RFC3: variants seen among roughly 807,000 people sequenced by gnomAD.
RFC3 encodes the protein A1 38 kDa subunit.
In RFC3, 41 loss-of-function variants were observed where a neutral mutation model predicts 45.1. The observed-to-expected ratio is 0.91, with a 90% CI of 0.71 to 1.18. The LOEUF (loss-of-function observed/expected upper bound fraction) is 1.18, where lower values mean the gene tolerates loss of function less well. Ranked by LOEUF, RFC3 falls within the 50% of genes most tolerant of loss-of-function variation. The pLI, the probability that RFC3 is intolerant of heterozygous loss-of-function variation, is 0.00. For synonymous variants in RFC3, 149 were observed against 144.0 expected (o/e 1.03, Z -0.25); for missense variants, 423 against 428.1 (o/e 0.99, Z 0.10).
chr13:33,831,743 A>G (rs1723422697), intron 7 of RFC3, among the ~76,000 whole-genome samples: 1 of 152,218 alleles, frequency 6.6e-6, no homozygotes. Context: ...CTAGAAAGAC[A>G]CCAGACTATA....
chr13:33,953,233 G>C (rs1283168327), intron 8 of RFC3, among the ~76,000 whole-genome samples: 1 of 149,568 alleles, frequency 6.7e-6, no homozygotes, highest in Non-Finnish European at 1.5e-5. Context: ...TGAATATTCT[G>C]TTGCTCTGAA....
chr13:33,948,419 A>G (rs1415464683), intron 8 of RFC3, among the ~76,000 whole-genome samples: 4 of 152,222 alleles, frequency 2.6e-5, no homozygotes, highest in African/African-American at 9.6e-5. Flanking sequence ...TCATGGGTGG[A>G]AACTTCATGG....
intron 8 of RFC3, among the ~76,000 whole-genome samples, chr13:33,963,124 T>C (rs1180353146): frequency 6.6e-6 from 1 of 151,986 alleles, no homozygotes; most frequent in African/African-American, 2.4e-5. Flanking sequence ...CATGTTTCTT[T>C]ATTTTTAAGT....
chr13:33,836,983 T>C lies in RFC3; in HGVS notation c.*688T>C, dbSNP rs1323941126. The C allele has an allele frequency of 9.1e-6, 9 of 984,780 alleles. No homozygotes were observed. The highest frequency in any genetic ancestry group is 1.1e-5 in the Non-Finnish European group (9 of 829,480). 61.0% of individuals were successfully genotyped at this position (984,780 alleles called of 1,614,324 possible). ...TAGTAATTACTCTTTGAACAGGTTT[T>C]GTGTTTTGTCATTAGCTCTGCCCTT... is the stretch of plus-strand genomic sequence containing the variant. On this transcript the variant is annotated 3_prime_UTR_variant, in exon 9 of 9. Transcript: ENST00000380071.
chr13:33,841,962 T>C (rs2082202079), downstream of RFC3, among the ~76,000 whole-genome samples: 2 of 152,144 alleles, frequency 1.3e-5, no homozygotes, highest in South Asian at 4.1e-4. Flanking sequence ...TCCATGGTTT[T>C]AGTTACCCAT....
Position 33,905,099 on chromosome 13 carries a change from C to T in RFC3, c.880-60988C>T, listed in dbSNP as rs142746332. ...TATCTTAAGCAAGGTACTGGGTATACGAGTGCATGTTATTTGTTATTATGT... is the reference window on the plus strand; with the variant it reads ...TATCTTAAGCAAGGTACTGGGTATATGAGTGCATGTTATTTGTTATTATGT... On this transcript the variant is annotated intron_variant, in intron 8 of 8. Transcript: ENST00000434425. 7.2e-3 allele frequency among the ~76,000 whole-genome samples: 1,092 copies of T among 152,004 alleles called. 11 individuals carry two copies. Among genetic ancestry groups the T allele is most frequent in the African/African-American group, 0.024 (980 of 41,462 alleles).
intron 8 of RFC3, among the ~76,000 whole-genome samples, chr13:33,952,898 A>G (rs541844057): frequency 1.3e-5 from 2 of 152,292 alleles, no homozygotes; most frequent in South Asian, 2.1e-4. Flanking sequence ...CCTTGGTTGC[A>G]GATCTGTTCG....
downstream of RFC3, chr13:33,837,595 T>TAA (rs1243614135): frequency 6.6e-5 from 10 of 152,236 alleles, no homozygotes; most frequent in African/African-American, 2.4e-4. Flanking sequence ...CATTAACTTT[T>TAA]AAAAAGTTGC....
chr13:33,902,384 G>C (rs971668176), intron 8 of RFC3, among the ~76,000 whole-genome samples: 3 of 151,980 alleles, frequency 2.0e-5, no homozygotes, highest in Non-Finnish European at 4.4e-5. Flanking sequence ...GGATTCTCAG[G>C]TCTCATAAGG....
chr13:33,960,636 C>A (rs2083050938), intron 8 of RFC3, among the ~76,000 whole-genome samples: 1 of 151,190 alleles, frequency 6.6e-6, no homozygotes, highest in South Asian at 2.1e-4. Flanking sequence ...GGTTAACTGT[C>A]AGGACCTCAC....
chr13:33,824,103 TAA>T, intron 3 of RFC3, 119 bp downstream of exon 3: 1 of 545,002 alleles, frequency 1.8e-6, no homozygotes, highest in East Asian at 3.2e-5. Context: ...GCACAGTTTA[TAA>T]AACAGACTAA....
At position 33,953,760 on chromosome 13, in the gene RFC3, A is replaced by G. The variant is rs549704747; in HGVS notation, c.880-12327A>G. Among the ~76,000 whole-genome samples the G allele has an allele frequency of 5.3e-5, 8 of 152,274 alleles. No homozygotes were observed. The South Asian group carries it at 1.7e-3, about 32-fold the overall frequency. Reference sequence around the variant, plus strand: ...GGTTTGCCCAGTTCCCTAATTTTTCATACTTCTCTTTAGTCTGTTCATTTT... The same window carrying G: ...GGTTTGCCCAGTTCCCTAATTTTTCGTACTTCTCTTTAGTCTGTTCATTTT... On this transcript the variant is annotated intron_variant, in intron 8 of 8. Coordinates refer to the RFC3 transcript ENST00000434425.
intron 8 of RFC3, among the ~76,000 whole-genome samples, chr13:33,911,971 TCTC>T (rs1254106387): frequency 6.6e-6 from 1 of 151,994 alleles, no homozygotes; most frequent in African/African-American, 2.4e-5. Flanking sequence ...TACTACCACT[TCTC>T]CTCATTGCAA....
the RFC3 span, among the ~76,000 whole-genome samples, chr13:33,973,120 C>A: frequency 6.6e-6 from 1 of 152,024 alleles, no homozygotes; most frequent in East Asian, 1.9e-4. Context: ...GCAAAGACAA[C>A]ACATATCAAA....
chr13:33,864,384 C>G (rs2082360422), intron 8 of RFC3, among the ~76,000 whole-genome samples: 1 of 152,132 alleles, frequency 6.6e-6, no homozygotes, highest in African/African-American at 2.4e-5. Flanking sequence ...AATATCCTCT[C>G]AAGAACACGA....
At chr13:33,855,134 T>C (rs2082300903) in intron 8 of RFC3, among the ~76,000 whole-genome samples, 2 of 152,212 alleles carry the variant, frequency 1.3e-5, no homozygotes, top group South Asian at 4.1e-4. Flanking sequence ...CTTTGTGCTT[T>C]ATAATCTGCG....
chr13:33,968,858 G>A (rs1315347970), downstream of RFC3, among the ~76,000 whole-genome samples: 3 of 152,154 alleles, frequency 2.0e-5, no homozygotes, highest in Non-Finnish European at 4.4e-5. Context: ...ACAGAACAAG[G>A]CTCTGAAGTT....
chr13:33,859,573 C>A (rs1405921626), intron 8 of RFC3, among the ~76,000 whole-genome samples: 18 of 152,150 alleles, frequency 1.2e-4, no homozygotes, highest in Admixed American at 1.1e-3. Context: ...ATAATTTTAG[C>A]AGTGATTGGG....
the RFC3 span, among the ~76,000 whole-genome samples, chr13:33,976,401 T>C: frequency 6.6e-6 from 1 of 152,052 alleles, no homozygotes; most frequent in African/African-American, 2.4e-5. Context: ...ATGGGGGTTA[T>C]CAGAGGTGGG....
Sources: gnomAD v4.1 joint callset for allele counts (sites outside exome capture counted in the v4.1 genomes callset) on GRCh38, gnomAD v4.1.1 for gene constraint, MANE v1.5 for transcripts, NCBI Gene and HGNC (gene_info 2026-07-23, HGNC 2026-07-21) for gene names.